RPAP3: variants seen among roughly 807,000 people sequenced by gnomAD.
RPAP3 encodes the protein RNA polymerase II associated protein 3, also known as RNA polymerase II-associated protein 3.
A neutral mutation model predicts 88.8 loss-of-function variants in RPAP3; 58 were observed. The observed-to-expected ratio is 0.65, with a 90% confidence interval of 0.53 to 0.81. RPAP3 has a LOEUF of 0.81. Among genes scored for constraint, RPAP3 ranks in the 40% least tolerant of loss-of-function variants. The pLI is 0.00. For synonymous variants in RPAP3, 255 were observed against 259.9 expected (o/e 0.98, Z 0.18); for missense variants, 751 against 764.3 (o/e 0.98, Z 0.20).
At chr12:47,679,319 C>T (rs920094937) in intron 12 of RPAP3, among the ~76,000 whole-genome samples, 174 bp downstream of exon 12, 2 of 151,948 alleles carry the variant, frequency 1.3e-5, no homozygotes, top group Non-Finnish European at 2.9e-5. Flanking sequence ...ATGGGTGCAG[C>T]AAACCAACAT....
At position 47,696,353 on chromosome 12, in the gene RPAP3, G is replaced by A; in HGVS notation, c.468C>T (p.Tyr156=). The A allele has an allele frequency of 1.2e-6, 2 of 1,600,428 alleles. No individual in the cohort carries two copies. The highest frequency in any genetic ancestry group is 1.7e-6 in the Non-Finnish European group (2 of 1,172,024). Residue 156 remains tyrosine, a synonymous_variant, in exon 5 of 17, where the codon TAC becomes TAT. Transcript: ENST00000005386. ...QGKYDEAIDC[Y]TKGMDADPYN... ...ATGGATCGGCATCCATGCCTTTTGT[G>A]TAGCAGTCAATTGCTTCATCATATT...
intron 8 of RPAP3, 105 bp downstream of exon 8, chr12:47,687,771 A>C (rs1939353199): frequency 7.4e-7 from 1 of 1,349,078 alleles, no homozygotes; most frequent in Non-Finnish European, 9.9e-7. Flanking sequence ...TTCCTACTCA[A>C]GCAAAACTTT....
intron 6 of RPAP3, among the ~76,000 whole-genome samples, chr12:47,690,131 C>A (rs1276408933): frequency 1.3e-5 from 2 of 150,794 alleles, no homozygotes; most frequent in Non-Finnish European, 2.9e-5. Flanking sequence ...TTGTAATACA[C>A]AAACCTATTT....
chr12:47,687,869 G>C lies in RPAP3; in HGVS notation c.864+7C>G. ...ATACATTGTACGTTGGAATAGCTTT[G>C]GATTACCCGATCTTTCTCTGAAATG... is the stretch of plus-strand genomic sequence containing the variant. On this transcript the variant is annotated splice_region_variant and intron_variant, in intron 8 of 16. Coordinates refer to ENST00000005386, the MANE Select transcript of RPAP3 (RefSeq NM_024604.3). 6.2e-7 allele frequency: 1 copy of C among 1,612,354 alleles called. No homozygotes were observed. Among genetic ancestry groups the C allele is most frequent in the Non-Finnish European group, 8.5e-7 (1 of 1,179,186 alleles).
In RPAP3 at chr12:47,669,022, T is replaced by C; in HGVS notation, c.1607A>G (p.Gln536Arg). The C allele has an allele frequency of 6.2e-7, 1 of 1,613,898 alleles. No homozygotes were observed. Among genetic ancestry groups the C allele is most frequent in the Non-Finnish European group, 8.5e-7 (1 of 1,179,802 alleles). ...MPIEIEQKPA[Q>R]FATTVLPPIP... ...TGGAGGAAGAACAGTTGTGGCAAAC[T>C]GAGCAGGTTTTTGTTCTATCTCTAT... The change falls in exon 14 of 17, where the codon CAG becomes CGG. Residue 536 changes from glutamine (Q) to arginine (R), a missense_variant. Gln to Arg is a conservative substitution (Grantham distance 43). Coordinates refer to ENST00000005386, the MANE Select transcript of RPAP3 (RefSeq NM_024604.3).
intron 12 of RPAP3, among the ~76,000 whole-genome samples, chr12:47,678,086 A>G (rs1262975938): frequency 6.6e-6 from 1 of 152,224 alleles, no homozygotes; most frequent in East Asian, 1.9e-4. Context: ...GGCCTCAGAA[A>G]TAACACCACA....
At chr12:47,680,050 T>C (rs1365175293) in intron 10 of RPAP3, among the ~76,000 whole-genome samples, 1 of 152,150 alleles carries the variant, frequency 6.6e-6, no homozygotes, top group Admixed American at 6.6e-5. Context: ...AAGTTCACCA[T>C]GTAAACAAAT....
intron 5 of RPAP3, among the ~76,000 whole-genome samples, chr12:47,694,668 A>C (rs1939488881): frequency 6.6e-6 from 1 of 152,124 alleles, no homozygotes; most frequent in African/African-American, 2.4e-5. Context: ...TAAAAAAAAA[A>C]ATGGCCAAAC....
rs779184026 is a variant in RPAP3 at position 47,679,551 on chromosome 12, G to C, written c.1229C>G (p.Ser410Cys). ...TTTTACCACATTTTGTCTTTGTGTG[G>C]AATCAAGAAAGACATCATCCCAGTG... is the stretch of plus-strand genomic sequence containing the variant. ...KGHWDDVFLD[S>C]TQRQNVVKPI... The change falls in exon 12 of 17, where the codon TCC (serine) becomes TGC (cysteine). Residue 410 changes from serine (S) to cysteine (C), a missense_variant. Coordinates refer to ENST00000005386, the MANE Select transcript of RPAP3 (RefSeq NM_024604.3). 18 of 1,606,416 alleles carry C rather than the reference G, an allele frequency of 1.1e-5. No individual in the cohort carries two copies. In the Admixed American group the frequency reaches 3.0e-4, roughly 27 times the overall value.
rs745956387 is a variant in RPAP3 at position 47,667,755 on chromosome 12, C to T, written c.1810G>A (p.Glu604Lys). 6.4e-7 allele frequency: 1 copy of T among 1,573,352 alleles called. No homozygotes were observed. Among genetic ancestry groups the T allele is most frequent in the South Asian group, 1.2e-5 (1 of 84,826 alleles). Residue 604 changes from glutamate (E) to lysine (K), a missense_variant and splice_region_variant, in exon 15 of 17, where the codon GAG becomes AAG. Coordinates refer to ENST00000005386, the MANE Select transcript of RPAP3 (RefSeq NM_024604.3). The part of the protein sequence containing the change: ...IVKILHDFYI[E>K]KEKPLLIFEI... ...ATAACTAAAAAAAACTTGACTTACT[C>T]AATGTAAAAGTCATGCAGAATTTTA...
intron 12 of RPAP3, among the ~76,000 whole-genome samples, chr12:47,675,094 AAC>A (rs1939083077): frequency 6.6e-6 from 1 of 152,216 alleles, no homozygotes; most frequent in Admixed American, 6.5e-5. Context: ...GCCAATGTTC[AAC>A]ATTCTTAATG....
intron 9 of RPAP3, among the ~76,000 whole-genome samples, chr12:47,683,237 C>T (rs987868141): frequency 8.5e-5 from 13 of 152,188 alleles, no homozygotes; most frequent in African/African-American, 2.9e-4. Flanking sequence ...AGCACGTGTC[C>T]TTCATAGCGC....
At chr12:47,703,685 G>A (rs1374643832) in intron 1 of RPAP3, among the ~76,000 whole-genome samples, 4 of 152,218 alleles carry the variant, frequency 2.6e-5, no homozygotes, top group African/African-American at 9.6e-5. Flanking sequence ...GGGAGGAGTG[G>A]GCAGGCAGAG....
chr12:47,672,219 T>C (rs1939013695), intron 12 of RPAP3, among the ~76,000 whole-genome samples: 1 of 152,196 alleles, frequency 6.6e-6, no homozygotes, highest in South Asian at 2.1e-4. Flanking sequence ...TCCTACCCTC[T>C]GTCTAGAGGT....
chr12:47,662,793 C>T lies in RPAP3; in HGVS notation c.*712G>A, dbSNP rs1938787255. 6.6e-6 allele frequency: 1 copy of T among 152,282 alleles called. No homozygotes were observed. The highest frequency in any genetic ancestry group is 2.1e-4 in the South Asian group (1 of 4,836). The allele number at this position is 152,282 out of a possible 1,614,324, so 9.4% of individuals were successfully genotyped here. ...CAAAAGTTTACAAACGCTACACTCA[C>T]ATCCAACAAATACATATGGGCTATA... On this transcript the variant is annotated 3_prime_UTR_variant, in exon 17 of 17. Transcript: ENST00000005386.
At chr12:47,665,593 C>T (rs980203897) in intron 16 of RPAP3, among the ~76,000 whole-genome samples, 3 of 150,090 alleles carry the variant, frequency 2.0e-5, no homozygotes, top group African/African-American at 4.9e-5. Context: ...TTTAAACCCT[C>T]GCTATTAAAA....
At position 47,662,782 on chromosome 12, in the gene RPAP3, C is replaced by T. The variant is rs117226891; in HGVS notation, c.*723G>A. 2,781 of 152,306 alleles carry T rather than the reference C, an allele frequency of 0.018. 34 individuals are homozygous for T. Among genetic ancestry groups the T allele is most frequent in the Non-Finnish European group, 0.025 (1,688 of 68,062 alleles). The allele number at this position is 152,306 out of a possible 1,614,324, so 9.4% of individuals were successfully genotyped here. On this transcript the variant is annotated 3_prime_UTR_variant, in exon 17 of 17. Transcript: ENST00000005386. ...AGCCCTACTTTCAAAAGTTTACAAA[C>T]GCTACACTCACATCCAACAAATACA...
At position 47,696,717 on chromosome 12, in the gene RPAP3, C is replaced by T. The variant is rs192812123; in HGVS notation, c.418-314G>A. 2.3e-4 allele frequency among the ~76,000 whole-genome samples: 35 copies of T among 152,306 alleles called. 1 individual carries two copies. Among genetic ancestry groups the T allele is most frequent in the Admixed American group, 2.2e-3 (34 of 15,294 alleles). On this transcript the variant is annotated intron_variant, in intron 4 of 16. Coordinates refer to ENST00000005386, the MANE Select transcript of RPAP3 (RefSeq NM_024604.3). The stretch of plus-strand genomic sequence containing the variant: ...TATATAAATAAATACACATTCTCTT[C>T]CTTAAAATGTTCTAATAACATTTTC...
chr12:47,692,934 C>G (rs911028549), intron 5 of RPAP3, among the ~76,000 whole-genome samples: 2 of 152,154 alleles, frequency 1.3e-5, no homozygotes, highest in African/African-American at 4.8e-5. Flanking sequence ...GGCTGGAGTG[C>G]AGCGGCATGA....
Sources: allele counts gnomAD v4.1 joint callset (sites outside exome capture counted in the v4.1 genomes callset), GRCh38; gene constraint gnomAD v4.1.1; transcripts MANE v1.5; gene names NCBI Gene and HGNC (gene_info 2026-07-23, HGNC 2026-07-21).